DDX4: variants seen among roughly 807,000 people sequenced by gnomAD.
DDX4 encodes probable ATP-dependent RNA helicase DDX4.
Under a neutral mutation model 100.0 loss-of-function variants are expected in DDX4, and 25 were observed. That is an observed-to-expected ratio of 0.25 (90% CI 0.18 to 0.35). The LOEUF (loss-of-function observed/expected upper bound fraction) is 0.35. Ranked by LOEUF, DDX4 falls within the 10% of genes least tolerant of loss-of-function variation. DDX4 has a pLI of 1.00. For missense variants in DDX4, 635 were observed against 882.4 expected, an observed-to-expected ratio of 0.72 and a Z score of 3.55; for synonymous variants, 259 against 275.7, an observed-to-expected ratio of 0.94 and a Z score of 0.60.
chr5:55,815,388 A>G lies in DDX4; in HGVS notation c.2062A>G (p.Arg688Gly). The change falls in exon 21 of 22, where the codon AGA becomes GGA. Residue 688 changes from arginine to glycine, a missense_variant. Arg to Gly is a moderately radical substitution (Grantham distance 125). Coordinates refer to ENST00000505374, the MANE Select transcript of DDX4 (RefSeq NM_024415.3). ...CATTCCTGGCTTCAGTGGTAGTACA[A>G]GAGGAAACGTGTTTGCATCAGTTGA... Reference protein sequence around the residue: ...TYIPGFSGSTRGNVFASVDTR... With the variant: ...TYIPGFSGSTGGNVFASVDTR... 6.2e-7 allele frequency: 1 copy of G among 1,613,628 alleles called. No homozygotes were observed.
At chr5:55,757,422 G>GT (rs1760009924) in intron 3 of DDX4, among the ~76,000 whole-genome samples, 1 of 152,016 alleles carries the variant, frequency 6.6e-6, no homozygotes, top group Admixed American at 6.6e-5. Flanking sequence ...TTCCATCCAG[G>GT]TTGCTGCAAA....
chr5:55,788,569 A>T lies in DDX4; in HGVS notation c.1172+569A>T, dbSNP rs543343174. Among the ~76,000 whole-genome samples, 3 of 152,328 alleles carry T rather than the reference A, an allele frequency of 2.0e-5. No individual in the cohort carries two copies. The South Asian group carries it at 6.2e-4, about 32-fold the overall frequency. Reference sequence around the variant, plus strand: ...GTTTTTAATGTATATTTAAAAATGAACTCAGGGTATTCTAATAATTTCCTA... The same window carrying T: ...GTTTTTAATGTATATTTAAAAATGATCTCAGGGTATTCTAATAATTTCCTA... On this transcript the variant is annotated intron_variant, in intron 15 of 21. Transcript: ENST00000505374.
intron 6 of DDX4, among the ~76,000 whole-genome samples, chr5:55,767,453 T>C (rs1287465522): frequency 6.6e-6 from 1 of 152,098 alleles, no homozygotes; most frequent in Non-Finnish European, 1.5e-5. Flanking sequence ...AAAAATAAAG[T>C]AAATTACAGA....
At chr5:55,808,403 G>A (rs1389834088) in intron 18 of DDX4, among the ~76,000 whole-genome samples, 2 of 152,170 alleles carry the variant, frequency 1.3e-5, no homozygotes, top group Admixed American at 1.3e-4. Context: ...CTGATTTTTA[G>A]AGTTTCCAGT....
intron 4 of DDX4, among the ~76,000 whole-genome samples, chr5:55,761,227 A>G (rs931476452): frequency 3.9e-5 from 6 of 152,180 alleles, no homozygotes; most frequent in Non-Finnish European, 7.4e-5. Context: ...TATTTGGACA[A>G]TGTAATTGTG....
intron 7 of DDX4, among the ~76,000 whole-genome samples, chr5:55,778,845 G>A (rs1455528348): frequency 6.6e-6 from 1 of 151,106 alleles, no homozygotes; most frequent in Admixed American, 6.6e-5. Flanking sequence ...AGTGAGCCGA[G>A]ATGATGCCAC....
chr5:55,807,950 T>C (rs1580607953), intron 18 of DDX4, among the ~76,000 whole-genome samples: 1 of 152,224 alleles, frequency 6.6e-6, no homozygotes, highest in African/African-American at 2.4e-5. Context: ...CACTTTCAGG[T>C]ACACCAATCA....
chr5:55,804,221 A>G (rs1446421371), intron 18 of DDX4, among the ~76,000 whole-genome samples: 3 of 152,048 alleles, frequency 2.0e-5, no homozygotes, highest in Non-Finnish European at 4.4e-5. Context: ...TCTGGATATT[A>G]GCCCTTTGTC....
intron 5 of DDX4, 99 bp downstream of exon 5, chr5:55,763,351 A>G (rs1224767577): frequency 1.2e-6 from 1 of 804,294 alleles, no homozygotes; most frequent in Non-Finnish European, 2.2e-6. Flanking sequence ...TTGACATTTA[A>G]TTTCAAGGTA....
intron 17 of DDX4, 105 bp from the exon 18 acceptor site, chr5:55,798,321 C>A: frequency 8.6e-7 from 1 of 1,168,908 alleles, no homozygotes. Context: ...CTGTTATAAT[C>A]TGCTGTCTGA....
At chr5:55,756,920 A>G (rs954881624) in intron 3 of DDX4, among the ~76,000 whole-genome samples, 2 of 152,154 alleles carry the variant, frequency 1.3e-5, no homozygotes, top group Non-Finnish European at 1.5e-5. Context: ...ATATATATCA[A>G]TGACAGCATA....
intron 18 of DDX4, among the ~76,000 whole-genome samples, chr5:55,808,602 G>A (rs907600692): frequency 6.6e-6 from 1 of 152,186 alleles, no homozygotes; most frequent in Non-Finnish European, 1.5e-5. Flanking sequence ...TGTTTGCCTG[G>A]GTATCAGCAG....
rs1316457339 is a variant in DDX4 at position 55,779,957 on chromosome 5, A to G, written c.395-7A>G. 2 of 1,613,142 alleles carry G rather than the reference A, an allele frequency of 1.2e-6. No individual in the cohort carries two copies. The highest frequency in any genetic ancestry group is 1.7e-5 in the Admixed American group (1 of 59,802). On this transcript the variant is annotated splice_region_variant and splice_polypyrimidine_tract_variant and intron_variant, in intron 7 of 21. Coordinates refer to ENST00000505374, the MANE Select transcript of DDX4 (RefSeq NM_024415.3). ...GTGTTGTTCTTGTGTGTGTTTTAAC[A>G]TTATAGGCTATCGAGATGGAAATAA...
At chr5:55,783,651 A>ATGGATGGG (rs1742058334) in intron 10 of DDX4, among the ~76,000 whole-genome samples, 1 of 149,158 alleles carries the variant, frequency 6.7e-6, no homozygotes, top group African/African-American at 2.5e-5. Flanking sequence ...GGATGGATGG[A>ATGGATGGG]TGGATGGATG....
chr5:55,755,877 C>G (rs1256888930), intron 3 of DDX4, among the ~76,000 whole-genome samples: 1 of 152,132 alleles, frequency 6.6e-6, no homozygotes, highest in African/African-American at 2.4e-5. Context: ...TAACAGCACC[C>G]TTGAAGCCTT....
At chr5:55,813,895 A>C in intron 19 of DDX4, 123 bp downstream of exon 19, 3 of 1,173,658 alleles carry the variant, frequency 2.6e-6, no homozygotes, top group Non-Finnish European at 2.2e-6. Flanking sequence ...TCTCAGATCT[A>C]AACTGTTATT....
At chr5:55,778,928 A>G (rs959023283) in intron 7 of DDX4, among the ~76,000 whole-genome samples, 18 of 151,802 alleles carry the variant, frequency 1.2e-4, no homozygotes, top group African/African-American at 4.4e-4. Flanking sequence ...GATAAGTTCC[A>G]TTTAGTTCGT....
At chr5:55,772,978 A>C (rs998605137) in intron 7 of DDX4, 1 of 152,212 alleles carries the variant, frequency 6.6e-6, no homozygotes, top group Admixed American at 6.5e-5. Flanking sequence ...TTTTAGAATG[A>C]GCTTAATCAA....
chr5:55,746,274 A>G (rs1259591106), intron 3 of DDX4, 53 bp downstream of exon 3: 1 of 1,499,000 alleles, frequency 6.7e-7, no homozygotes, highest in South Asian at 1.2e-5. Context: ...GGTTTCATCT[A>G]GTGAATGAAG....
Sources: gnomAD v4.1 joint callset for allele counts (sites outside exome capture counted in the v4.1 genomes callset) on GRCh38, gnomAD v4.1.1 for gene constraint, MANE v1.5 for transcripts, NCBI Gene and HGNC (gene_info 2026-07-23, HGNC 2026-07-21) for gene names.